Variants in SLTM observed in about 807,000 individuals in gnomAD.
The protein encoded by SLTM is SAFB like transcription modulator.
SLTM carries 43 observed loss-of-function variants against 134.6 expected under a neutral mutation model. That is an observed-to-expected ratio of 0.32 (90% CI 0.25 to 0.41). The LOEUF is 0.41. Among genes scored for constraint, SLTM ranks in the 10% least tolerant of loss-of-function variants. The pLI, the probability that SLTM is intolerant of heterozygous loss-of-function variation, is 1.00. For missense variants in SLTM, 1,055 were observed against 1,288.8 expected (o/e 0.82, Z 2.78); for synonymous variants, 424 against 432.3 (o/e 0.98, Z 0.24).
At chr15:58,926,932 G>C (rs1445031305) in intron 2 of SLTM, among the ~76,000 whole-genome samples, 2 of 152,056 alleles carry the variant, frequency 1.3e-5, no homozygotes, top group African/African-American at 4.8e-5. Context: ...TTTAATGGCT[G>C]CGATAAAAGG....
chr15:58,902,426 G>A (rs575150927), intron 5 of SLTM, among the ~76,000 whole-genome samples: 379 of 146,856 alleles, frequency 2.6e-3, no homozygotes, highest in African/African-American at 9.0e-3. Flanking sequence ...TTACTCTGTC[G>A]TCCAGGCTAG....
intron 16 of SLTM, 125 bp downstream of exon 16, chr15:58,889,305 T>TC (rs1307368945): frequency 7.9e-7 from 1 of 1,270,968 alleles, no homozygotes; most frequent in East Asian, 2.4e-5. Context: ...CTGTAATCCT[T>TC]CCCATCCCTG....
At chr15:58,905,126 G>A (rs140822185) in intron 5 of SLTM, among the ~76,000 whole-genome samples, 2 of 152,198 alleles carry the variant, frequency 1.3e-5, no homozygotes, top group Non-Finnish European at 2.9e-5. Context: ...TTACAGGCAG[G>A]AGCCATTGCA....
chr15:58,922,554 AATATG>A (rs370266548), intron 2 of SLTM, among the ~76,000 whole-genome samples: 137,827 of 144,236 alleles, frequency 0.96, 65,764 homozygotes, highest in Middle Eastern at 1. Context: ...ATATGTATAT[AATATG>A]TATATAATAT....
chr15:58,930,124 C>CTT (rs141581020), intron 2 of SLTM, among the ~76,000 whole-genome samples: 1 of 146,362 alleles, frequency 6.8e-6, no homozygotes, highest in African/African-American at 2.5e-5. Context: ...GTTACAACTT[C>CTT]TTTTTTTTTT....
Position 58,933,583 on chromosome 15 carries a change from C to G in SLTM, c.-18G>C, listed in dbSNP as rs757370486. The G allele has an allele frequency of 1.9e-6, 3 of 1,564,714 alleles. No individual in the cohort carries two copies. Among genetic ancestry groups the G allele is most frequent in the Non-Finnish European group, 1.7e-6 (2 of 1,157,568 alleles). On this transcript the variant is annotated 5_prime_UTR_variant, in exon 1 of 21. Transcript: ENST00000380516. ...GCAGCCATCTTAGAAGAGCAGCGCGCTGCCGAGGCAGCGAGTGGGCTGCAG... is the reference window on the plus strand; with the variant it reads ...GCAGCCATCTTAGAAGAGCAGCGCGGTGCCGAGGCAGCGAGTGGGCTGCAG...
At chr15:58,910,792 TGGAGTGTAGTGGCACAATCTCG>T (rs1389277898) in intron 5 of SLTM, among the ~76,000 whole-genome samples, 1 of 149,804 alleles carries the variant, frequency 6.7e-6, no homozygotes, top group African/African-American at 2.5e-5. Context: ...TTGCCTAGGC[TGGAGTGTAGTGGCACAATCTCG>T]GCTCACTGCA....
intron 2 of SLTM, among the ~76,000 whole-genome samples, chr15:58,926,292 T>C (rs2037460886): frequency 6.6e-6 from 1 of 152,198 alleles, no homozygotes; most frequent in African/African-American, 2.4e-5. Context: ...AATATTTAAG[T>C]TCTATCTACC....
chr15:58,927,863 A>G (rs1283156024), intron 2 of SLTM, among the ~76,000 whole-genome samples: 1 of 152,228 alleles, frequency 6.6e-6, no homozygotes, highest in Admixed American at 6.5e-5. Flanking sequence ...ATTACAGTAC[A>G]CTATGATACT....
rs1389090922 is a variant in SLTM, at chr15:58,888,638, T to C, written c.2205-83A>G. 21 of 1,338,504 alleles carry C rather than the reference T, an allele frequency of 1.6e-5. No homozygotes were observed. The Admixed American group carries it at 1.6e-4, about 10-fold the overall frequency. The allele number at this position is 1,338,504 out of a possible 1,614,324, so 82.9% of individuals were successfully genotyped here. ...TTTACTTGGAGTCATACATACCACATGTTAGAACTGTGGACATAACAGGGC... is the reference window on the plus strand; with the variant it reads ...TTTACTTGGAGTCATACATACCACACGTTAGAACTGTGGACATAACAGGGC... On this transcript the variant is annotated intron_variant, in intron 16 of 20. Coordinates refer to ENST00000380516, the MANE Select transcript of SLTM (RefSeq NM_024755.4).
chr15:58,893,286 T>C lies in SLTM; in HGVS notation c.1727A>G (p.Tyr576Cys), dbSNP rs1345475183. The change falls in exon 13 of 21, where the codon TAT (tyrosine) becomes TGT (cysteine). Residue 576 changes from tyrosine (Y) to cysteine (C), a missense_variant. Transcript: ENST00000380516. Reference sequence around the variant, plus strand: ...TCCTGATCAGAGACTTACTTTCTCATATCTTCCTCTTCTTGATGGTCTACA... The same window carrying C: ...TCCTGATCAGAGACTTACTTTCTCACATCTTCCTCTTCTTGATGGTCTACA... ...DHCRPSRRGR[Y>C]EKIHGRSKEK... 1 of 1,608,372 alleles carries C rather than the reference T, an allele frequency of 6.2e-7. No individual in the cohort carries two copies. Among genetic ancestry groups the C allele is most frequent in the Non-Finnish European group, 8.5e-7 (1 of 1,176,376 alleles).
chr15:58,902,789 T>C (rs1158248145), intron 5 of SLTM, among the ~76,000 whole-genome samples: 1 of 151,590 alleles, frequency 6.6e-6, no homozygotes, highest in Admixed American at 6.6e-5. Context: ...AGTGGCATGA[T>C]CTCAGCTCAC....
At position 58,893,908 on chromosome 15, in the gene SLTM, T is replaced by C. The variant is rs1355745592; in HGVS notation, c.1561A>G (p.Ile521Val). 6.2e-7 allele frequency: 1 copy of C among 1,613,306 alleles called. No individual in the cohort carries two copies. Among genetic ancestry groups the C allele is most frequent in the Non-Finnish European group, 8.5e-7 (1 of 1,179,844 alleles). The change falls in exon 12 of 21, where the codon ATA (isoleucine) becomes GTA (valine). Residue 521 changes from isoleucine (I) to valine (V), a missense_variant. Physicochemically the swap from Ile to Val is conservative, Grantham distance 29. Around this residue, in one of 3 missense-constraint regions of SLTM, gnomAD observed 776 missense variants for 962.2 expected, o/e 0.81. Coordinates refer to ENST00000380516, the MANE Select transcript of SLTM (RefSeq NM_024755.4). ...EKKESKDTKK[I>V]EGKDEKNDNG... ...TCATTCTTCTCATCTTTACCTTCTA[T>C]TTTCTTAGTATCCTTGCTTTCTTTT...
At chr15:58,901,057 TTAAG>T in intron 6 of SLTM, 199 bp downstream of exon 6, 1 of 544,494 alleles carries the variant, frequency 1.8e-6, no homozygotes. Context: ...ATATGTACTA[TTAAG>T]TTGCAATATA....
intron 14 of SLTM, among the ~76,000 whole-genome samples, chr15:58,892,240 CA>C (rs2034704594): frequency 6.6e-6 from 1 of 152,088 alleles, no homozygotes; most frequent in Admixed American, 6.5e-5. Context: ...AATTGATATA[CA>C]AAAGTAAACT....
chr15:58,896,778 G>T (rs1340299014), intron 9 of SLTM, among the ~76,000 whole-genome samples: 2 of 152,144 alleles, frequency 1.3e-5, no homozygotes, highest in African/African-American at 4.8e-5. Context: ...AAATATAAAT[G>T]TATTTTCAAG....
At chr15:58,895,845 T>C (rs1421382329) in intron 9 of SLTM, among the ~76,000 whole-genome samples, 6 of 152,276 alleles carry the variant, frequency 3.9e-5, no homozygotes, top group East Asian at 1.9e-4. Context: ...AACTCACTAA[T>C]TGAAGCAGGA....
Position 58,894,118 on chromosome 15 carries a change from T to A in SLTM, c.1453A>T (p.Lys485Ter). 6.2e-7 allele frequency: 1 copy of A among 1,607,782 alleles called. No individual in the cohort carries two copies. The highest frequency in any genetic ancestry group is 8.5e-7 in the Non-Finnish European group (1 of 1,177,768). Residue 485 changes from lysine (K) to a stop codon, truncating the protein, a stop_gained, in exon 11 of 21, where the codon AAA (lysine) becomes TAA (stop). Transcript: ENST00000380516. LOFTEE classifies it high-confidence loss of function. ...EKSSSRSSGD[K>*]KNTSDRSSKT... Reference sequence around the variant, plus strand: ...CTACTTCTATCACTCGTATTTTTTTTATCTCCAGAACTTCTTGAACTACTC... The same window carrying A: ...CTACTTCTATCACTCGTATTTTTTTAATCTCCAGAACTTCTTGAACTACTC...
Position 58,912,622 on chromosome 15 carries a change from G to A in SLTM, c.514-12C>T. 2.5e-6 allele frequency: 4 copies of A among 1,593,780 alleles called. No homozygotes were observed. Among genetic ancestry groups the A allele is most frequent in the Non-Finnish European group, 3.4e-6 (4 of 1,167,062 alleles). On this transcript the variant is annotated splice_polypyrimidine_tract_variant and intron_variant, in intron 4 of 20. Transcript: ENST00000380516. ...TGAGCTTCAATTTCCTAAGTAAAAG[G>A]GTATACAATAGCTTTGCTTTATAAA...
Sources: gnomAD v4.1 joint callset for allele counts (sites outside exome capture counted in the v4.1 genomes callset) on GRCh38, gnomAD v4.1.1 for gene constraint, gnomAD v4.1.1 regional missense constraint, MANE v1.5 for transcripts, NCBI Gene and HGNC (gene_info 2026-07-23, HGNC 2026-07-21) for gene names.